Variants in LDB2 observed in about 807,000 individuals in gnomAD.
LDB2 encodes the protein LIM domain-binding protein 2.
Under a neutral mutation model 44.3 loss-of-function variants are expected in LDB2, and 12 were observed. That is an observed-to-expected ratio of 0.27 (90% CI 0.17 to 0.44). The LOEUF (loss-of-function observed/expected upper bound fraction) is 0.44, where lower values mean the gene tolerates loss of function less well. Ranked by LOEUF, LDB2 falls within the 20% of genes least tolerant of loss-of-function variation. The pLI, the probability that LDB2 is intolerant of heterozygous loss-of-function variation, is 1.00. For synonymous variants in LDB2, 164 were observed against 174.8 expected (o/e 0.94, Z 0.49); for missense variants, 344 against 473.5 (o/e 0.73, Z 2.54).
chr4:16,606,886 T>G (rs550138394), intron 2 of LDB2, among the ~76,000 whole-genome samples: 1 of 152,334 alleles, frequency 6.6e-6, no homozygotes, highest in East Asian at 1.9e-4. Context: ...ATCAACACGA[T>G]TCATCTGGGT....
At chr4:16,581,159 A>G (rs1714252348) in intron 5 of LDB2, among the ~76,000 whole-genome samples, 1 of 152,178 alleles carries the variant, frequency 6.6e-6, no homozygotes. Flanking sequence ...GATGTGCTCT[A>G]CCCAGAAAAG....
intron 1 of LDB2, among the ~76,000 whole-genome samples, chr4:16,863,656 CTTTTTTTTTTT>C (rs143950913): frequency 1.1e-5 from 1 of 91,956 alleles, no homozygotes; most frequent in Non-Finnish European, 1.9e-5. Context: ...CTCACATTCT[CTTTTTTTTTTT>C]TTTTTTTTTT....
chr4:16,504,644 C>T (rs995918110), intron 7 of LDB2, among the ~76,000 whole-genome samples: 1 of 152,184 alleles, frequency 6.6e-6, no homozygotes. Context: ...GTCCTTCTGA[C>T]TGGCAGAAAG....
chr4:16,719,692 C>T (rs1225627890), intron 2 of LDB2, among the ~76,000 whole-genome samples: 1 of 152,080 alleles, frequency 6.6e-6, no homozygotes, highest in Non-Finnish European at 1.5e-5. Flanking sequence ...GGGTGCAGCT[C>T]TTAAACAAGG....
chr4:16,551,847 C>T (rs1737799253), intron 5 of LDB2, among the ~76,000 whole-genome samples: 1 of 152,076 alleles, frequency 6.6e-6, no homozygotes, highest in Non-Finnish European at 1.5e-5. Flanking sequence ...CATGTTTTTG[C>T]AATGGAAATA....
chr4:16,863,952 G>A (rs1713707088), intron 1 of LDB2, among the ~76,000 whole-genome samples: 1 of 152,162 alleles, frequency 6.6e-6, no homozygotes, highest in East Asian at 1.9e-4. Flanking sequence ...GAGCCACCGC[G>A]CCTGGCACAT....
rs1160166197 is a variant in LDB2, at chr4:16,582,633, T to C, written c.615+3289A>G. On this transcript the variant is annotated intron_variant, in intron 5 of 7. Coordinates refer to ENST00000304523, the MANE Select transcript of LDB2 (RefSeq NM_001290.5). This position sits in a 1 kb window ranked among gnomAD's most constrained non-coding sequence, Gnocchi z 4.8. ...GGAATACCCAACAGCAACAAAATAATGACTTCCCCATCCTGCAGGTCCCTT... is the reference window on the plus strand; with the variant it reads ...GGAATACCCAACAGCAACAAAATAACGACTTCCCCATCCTGCAGGTCCCTT... Among the ~76,000 whole-genome samples, 2 of 152,092 alleles carry C rather than the reference T, an allele frequency of 1.3e-5. No individual in the cohort carries two copies. The highest frequency in any genetic ancestry group is 4.8e-5 in the African/African-American group (2 of 41,406).
intron 1 of LDB2, among the ~76,000 whole-genome samples, chr4:16,806,596 A>G (rs918798683): frequency 1.3e-5 from 2 of 148,434 alleles, no homozygotes; most frequent in East Asian, 4.0e-4. Context: ...CACATATCTG[A>G]AAAACTACTT....
At chr4:16,703,748 T>C (rs1171779290) in intron 2 of LDB2, among the ~76,000 whole-genome samples, 3 of 152,236 alleles carry the variant, frequency 2.0e-5, no homozygotes, top group Admixed American at 6.5e-5. Context: ...ATTTAGTGTA[T>C]GGCCAATATT....
At chr4:16,616,102 C>T (rs1727232884) in intron 2 of LDB2, among the ~76,000 whole-genome samples, 1 of 152,194 alleles carries the variant, frequency 6.6e-6, no homozygotes, top group Non-Finnish European at 1.5e-5. Flanking sequence ...CATGGATACT[C>T]ACATTATATA....
intron 1 of LDB2, among the ~76,000 whole-genome samples, chr4:16,789,463 A>G (rs1775223174): frequency 6.6e-6 from 1 of 152,228 alleles, no homozygotes; most frequent in African/African-American, 2.4e-5. Flanking sequence ...CTCTGAAACC[A>G]ATGTAACGAG....
At chr4:16,702,999 A>G (rs1753814626) in intron 2 of LDB2, among the ~76,000 whole-genome samples, 2 of 152,158 alleles carry the variant, frequency 1.3e-5, no homozygotes, top group Admixed American at 1.3e-4. Context: ...TTCTGACCAC[A>G]CAGACTGGGT....
At chr4:16,537,579 T>G (rs142324205) in intron 5 of LDB2, among the ~76,000 whole-genome samples, 1 of 152,330 alleles carries the variant, frequency 6.6e-6, no homozygotes, top group East Asian at 1.9e-4. Context: ...TGCTTGCCTA[T>G]CTTCTACAGT....
intron 1 of LDB2, among the ~76,000 whole-genome samples, chr4:16,875,140 A>C (rs1306325395): frequency 6.6e-6 from 1 of 152,170 alleles, no homozygotes; most frequent in Non-Finnish European, 1.5e-5. Flanking sequence ...GGCCAGTCTG[A>C]GAATCAATAG....
At chr4:16,735,789 C>T (rs2108961845) in intron 2 of LDB2, among the ~76,000 whole-genome samples, 1 of 152,212 alleles carries the variant, frequency 6.6e-6, no homozygotes, top group East Asian at 1.9e-4. Flanking sequence ...GTAAGCACTA[C>T]AGGATATTTG....
intron 5 of LDB2, among the ~76,000 whole-genome samples, chr4:16,571,701 G>T (rs1044685310): frequency 3.3e-5 from 5 of 152,168 alleles, no homozygotes; most frequent in African/African-American, 1.2e-4. Flanking sequence ...GTCTATTTAG[G>T]ATTAAATGAA....
chr4:16,865,442 G>A (rs1714364903), intron 1 of LDB2, among the ~76,000 whole-genome samples: 2 of 152,042 alleles, frequency 1.3e-5, no homozygotes, highest in African/African-American at 2.4e-5. Flanking sequence ...ACAGGGGCTC[G>A]GGCTGCGCTG....
intron 1 of LDB2, among the ~76,000 whole-genome samples, chr4:16,833,765 T>C (rs543689535): frequency 1.3e-5 from 2 of 152,256 alleles, no homozygotes; most frequent in African/African-American, 4.8e-5. Context: ...ATGGTCTCGA[T>C]CTCTTGACCT....
At chr4:16,812,726 A>G (rs1298199332) in intron 1 of LDB2, among the ~76,000 whole-genome samples, 1 of 150,390 alleles carries the variant, frequency 6.6e-6, no homozygotes, top group Non-Finnish European at 1.5e-5. Flanking sequence ...TTAGAAAATA[A>G]GTTGATTGTG....
Sources: gnomAD v4.1 joint callset for allele counts (sites outside exome capture counted in the v4.1 genomes callset) on GRCh38, gnomAD v4.1.1 for gene constraint, Gnocchi (gnomAD v3.1) non-coding constraint, MANE v1.5 for transcripts, NCBI Gene and HGNC (gene_info 2026-07-23, HGNC 2026-07-21) for gene names.